Variants in PSMA8 observed in about 807,000 individuals in gnomAD.
PSMA8 encodes proteasome 20S subunit alpha 8, also known as proteasome subunit alpha-type 8.
Under a neutral mutation model 32.4 loss-of-function variants are expected in PSMA8, and 18 were observed. The observed-to-expected ratio is 0.56, with a 90% CI of 0.38 to 0.82. The LOEUF (loss-of-function observed/expected upper bound fraction) is 0.82. Ranked by LOEUF, PSMA8 falls within the 40% of genes least tolerant of loss-of-function variation. The pLI is 0.00. For missense variants in PSMA8, 298 were observed against 300.7 expected, an observed-to-expected ratio of 0.99 and a Z score of 0.07; for synonymous variants, 104 against 98.1, an observed-to-expected ratio of 1.06 and a Z score of -0.36.
intron 2 of PSMA8, among the ~76,000 whole-genome samples, chr18:26,146,158 G>T (rs541154760): frequency 1.4e-5 from 2 of 146,074 alleles, no homozygotes; most frequent in South Asian, 2.2e-4. Flanking sequence ...AATAAGACAT[G>T]CCTCTTGTCT....
intron 2 of PSMA8, among the ~76,000 whole-genome samples, chr18:26,147,858 G>A (rs971706040): frequency 6.6e-6 from 1 of 152,102 alleles, no homozygotes; most frequent in Admixed American, 6.5e-5. Context: ...AGTAAAATGA[G>A]AAATGAAGAA....
At chr18:26,144,989 A>G (rs2054991289) in intron 2 of PSMA8, among the ~76,000 whole-genome samples, 1 of 152,238 alleles carries the variant, frequency 6.6e-6, no homozygotes, top group Non-Finnish European at 1.5e-5. Flanking sequence ...TCCCCTTTAC[A>G]CAGTTTCCCT....
chr18:26,173,659 C>T (rs959412807), intron 4 of PSMA8, among the ~76,000 whole-genome samples: 22 of 151,700 alleles, frequency 1.5e-4, no homozygotes, highest in African/African-American at 4.4e-4. Flanking sequence ...CAGGTTCAAG[C>T]GATTCTCCTG....
intron 1 of PSMA8, among the ~76,000 whole-genome samples, chr18:26,142,963 G>A (rs1233615216): frequency 6.6e-6 from 1 of 152,172 alleles, no homozygotes; most frequent in Non-Finnish European, 1.5e-5. Flanking sequence ...CCTCCAAATT[G>A]TGAAATACAT....
Position 26,143,213 on chromosome 18 carries a change from T to G in PSMA8, c.103-1346T>G, listed in dbSNP as rs201417599. Among the ~76,000 whole-genome samples the G allele has an allele frequency of 5.9e-5, 9 of 152,224 alleles. No individual in the cohort carries two copies. The East Asian group carries it at 1.2e-3, about 20-fold the overall frequency. On this transcript the variant is annotated intron_variant, in intron 1 of 6. Transcript: ENST00000415576. ...ACCGAAGGCCACTCTATATGGAGTT[T>G]GTTAGTTTTCCCCGTGTCTGCATGG...
At chr18:26,157,575 T>G (rs2055100121) in intron 3 of PSMA8, among the ~76,000 whole-genome samples, 1 of 152,170 alleles carries the variant, frequency 6.6e-6, no homozygotes, top group African/African-American at 2.4e-5. Flanking sequence ...GGAAACAGCA[T>G]GCTCTTCTTC....
chr18:26,189,234 G>A (rs2055382498), intron 6 of PSMA8, among the ~76,000 whole-genome samples: 1 of 152,132 alleles, frequency 6.6e-6, no homozygotes, highest in African/African-American at 2.4e-5. Flanking sequence ...ATGGCAAACA[G>A]GCATATAAAA....
chr18:26,186,206 G>A (rs12327092), intron 6 of PSMA8, among the ~76,000 whole-genome samples: 10 of 124,536 alleles, frequency 8.0e-5, no homozygotes, highest in African/African-American at 3.0e-4. Context: ...CTGAGATCAC[G>A]CCACTGCACT....
At chr18:26,147,210 C>CAAAAAAAAAAAAAAAA (rs57358976) in intron 2 of PSMA8, among the ~76,000 whole-genome samples, 3 of 48,254 alleles carry the variant, frequency 6.2e-5, no homozygotes, top group Non-Finnish European at 8.8e-5. Flanking sequence ...CACCCTGTCT[C>CAAAAAAAAAAAAAAAA]AAAAAAAAAA....
At position 26,158,254 on chromosome 18, in the gene PSMA8, G is replaced by T; in HGVS notation, c.477+10G>T. 6.3e-7 allele frequency: 1 copy of T among 1,581,672 alleles called. No individual in the cohort carries two copies. Among genetic ancestry groups the T allele is most frequent in the South Asian group, 1.2e-5 (1 of 84,400 alleles). ...TTATCATGCTTGGAAGGTGAGTCAT[G>T]AATTTATTAATACTTTTTTAGAAGT... is the stretch of plus-strand genomic sequence containing the variant. On this transcript the variant is annotated intron_variant, in intron 4 of 6. Transcript: ENST00000415576.
intron 6 of PSMA8, among the ~76,000 whole-genome samples, chr18:26,188,048 T>C (rs2055370703): frequency 6.6e-6 from 1 of 152,036 alleles, no homozygotes; most frequent in Admixed American, 6.6e-5. Context: ...AAAATAAGCC[T>C]TAAAATATTC....
intron 3 of PSMA8, among the ~76,000 whole-genome samples, chr18:26,155,796 G>A (rs546193707): frequency 6.6e-6 from 1 of 152,158 alleles, no homozygotes; most frequent in South Asian, 2.1e-4. Flanking sequence ...GCAAAATTAG[G>A]CAAATGAGAT....
intron 1 of PSMA8, among the ~76,000 whole-genome samples, chr18:26,139,188 C>T (rs1167503478): frequency 1.3e-5 from 2 of 152,198 alleles, no homozygotes; most frequent in Non-Finnish European, 2.9e-5. Flanking sequence ...CATCCTTACT[C>T]GCTGTTTTGC....
Position 26,178,959 on chromosome 18 carries a change from CTAA to C in PSMA8, c.597+14_597+16del. ...AAAAGCTTTGCTAGAAGTAAGTGAT[CTAA>C]TAAAGCATATTCAGGAAATCATGAA... On this transcript the variant is annotated intron_variant, in intron 5 of 6. Transcript: ENST00000415576. The C allele has an allele frequency of 6.2e-7, 1 of 1,609,892 alleles. No individual in the cohort carries two copies.
At chr18:26,174,784 A>G (rs2055251248) in intron 4 of PSMA8, among the ~76,000 whole-genome samples, 1 of 152,220 alleles carries the variant, frequency 6.6e-6, no homozygotes, top group Non-Finnish European at 1.5e-5. Context: ...TCTCTAGCTA[A>G]GTAATTTTGT....
chr18:26,173,136 A>G (rs1216234905), intron 4 of PSMA8, among the ~76,000 whole-genome samples: 1 of 152,112 alleles, frequency 6.6e-6, no homozygotes, highest in African/African-American at 2.4e-5. Context: ...GTCAGAGTAA[A>G]AACCAAAGCC....
intron 6 of PSMA8, among the ~76,000 whole-genome samples, chr18:26,179,967 G>T (rs1455304791): frequency 6.7e-6 from 1 of 150,108 alleles, no homozygotes; most frequent in Non-Finnish European, 1.5e-5. Context: ...AAAAAGGATT[G>T]TTGCCAGATG....
intron 6 of PSMA8, among the ~76,000 whole-genome samples, chr18:26,182,459 G>GC (rs2055319341): frequency 6.6e-6 from 1 of 152,192 alleles, no homozygotes; most frequent in Non-Finnish European, 1.5e-5. Context: ...TCTATTTATA[G>GC]CATAGTATAC....
At chr18:26,154,679 T>A (rs2055072846) in intron 3 of PSMA8, among the ~76,000 whole-genome samples, 1 of 152,120 alleles carries the variant, frequency 6.6e-6, no homozygotes, top group South Asian at 2.1e-4. Context: ...AGTGGTGCAA[T>A]CTTCTTGGCT....
Sources: gnomAD v4.1 joint callset for allele counts (sites outside exome capture counted in the v4.1 genomes callset) on GRCh38, gnomAD v4.1.1 for gene constraint, MANE v1.5 for transcripts, NCBI Gene and HGNC (gene_info 2026-07-23, HGNC 2026-07-21) for gene names.